The following MYO7A variants were observed in gnomAD, a reference collection of about 807,000 sequenced individuals.
MYO7A encodes the protein myosin VIIA.
A neutral mutation model predicts 263.8 loss-of-function variants in MYO7A; 210 were observed. The observed-to-expected ratio is 0.80, with a 90% confidence interval of 0.71 to 0.89. The LOEUF is 0.89. Among genes scored for constraint, MYO7A ranks in the 40% least tolerant of loss-of-function variants. The probability of loss-of-function intolerance (pLI) is 0.00; values close to 1 mark genes in which losing one functional copy is unlikely to be tolerated. For synonymous variants in MYO7A, 1,239 were observed against 1,197.3 expected (o/e 1.03, Z -0.72); for missense variants, 2,820 against 2,968.3 (o/e 0.95, Z 1.16).
chr11:77,200,331 A>G (rs1336419444), intron 35 of MYO7A, among the ~76,000 whole-genome samples: 3 of 152,112 alleles, frequency 2.0e-5, no homozygotes, highest in Non-Finnish European at 2.9e-5. Flanking sequence ...GCTTCTGATG[A>G]AGGCCCCAGG....
chr11:77,151,480 G>C (rs183951677), intron 4 of MYO7A, among the ~76,000 whole-genome samples: 5 of 152,238 alleles, frequency 3.3e-5, no homozygotes, highest in African/African-American at 9.6e-5. Context: ...GAGCCGACAG[G>C]CCTGGGCACT....
intron 2 of MYO7A, among the ~76,000 whole-genome samples, chr11:77,141,479 T>C (rs1951207663): frequency 6.6e-6 from 1 of 152,136 alleles, no homozygotes; most frequent in African/African-American, 2.4e-5. Flanking sequence ...TATTAAGTTA[T>C]ATTCTTATTA....
At chr11:77,151,581 G>A (rs544609158) in intron 4 of MYO7A, among the ~76,000 whole-genome samples, 251 of 152,300 alleles carry the variant, frequency 1.6e-3, no homozygotes, top group African/African-American at 5.6e-3. Flanking sequence ...GGGACCACAC[G>A]TGCTGTATCC....
At chr11:77,204,047 G>A (rs765221583) in intron 38 of MYO7A, 29 bp from the exon 39 acceptor site, 11 of 1,573,712 alleles carry the variant, frequency 7.0e-6, no homozygotes, top group African/African-American at 2.7e-5. Flanking sequence ...CCCTCTATTC[G>A]GCACAAGCCC....
intron 4 of MYO7A, among the ~76,000 whole-genome samples, chr11:77,155,239 CAGA>C (rs1360175382): frequency 6.6e-6 from 1 of 152,296 alleles, no homozygotes; most frequent in East Asian, 1.9e-4. Context: ...TTTGCACTAA[CAGA>C]GGAGCCCAAG....
At chr11:77,210,756 T>A (rs1166285743) in intron 44 of MYO7A, 1 of 162,008 alleles carries the variant, frequency 6.2e-6, no homozygotes, top group Non-Finnish European at 1.3e-5. Flanking sequence ...GAGAACCCAA[T>A]GCAAGGAGGC....
intron 3 of MYO7A, among the ~76,000 whole-genome samples, chr11:77,145,160 TTC>T (rs1951477601): frequency 6.6e-6 from 1 of 152,186 alleles, no homozygotes; most frequent in Non-Finnish European, 1.5e-5. Flanking sequence ...GGGTCAGTGA[TTC>T]TCTGTTAGGG....
intron 40 of MYO7A, 143 bp from the exon 41 acceptor site, chr11:77,205,954 C>A: frequency 1.4e-6 from 1 of 717,712 alleles, no homozygotes; most frequent in South Asian, 1.7e-5. Context: ...GAGCTCAAGG[C>A]TCTGGGAGAC....
chr11:77,181,849 A>G, intron 23 of MYO7A, 102 bp from the exon 24 acceptor site: 1 of 964,096 alleles, frequency 1.0e-6, no homozygotes, highest in Admixed American at 2.1e-5. Flanking sequence ...CAGTAGCGTG[A>G]TCACAGCTCA....
chr11:77,159,609 C>A, intron 10 of MYO7A, 86 bp downstream of exon 10: 2 of 1,332,706 alleles, frequency 1.5e-6, no homozygotes, highest in South Asian at 1.2e-5. Context: ...GATGTAGGAA[C>A]CACATTGCTG....
intron 26 of MYO7A, among the ~76,000 whole-genome samples, chr11:77,183,630 G>T (rs1955435746): frequency 6.6e-6 from 1 of 152,190 alleles, no homozygotes; most frequent in African/African-American, 2.4e-5. Context: ...CCAGGCTGGT[G>T]TGTGTGTGGC....
At position 77,204,055 on chromosome 11, in the gene MYO7A, CCCTT is replaced by C. The variant is rs1957262352; in HGVS notation, c.5327-16_5327-13del. The C allele has an allele frequency of 1.6e-5, 25 of 1,585,632 alleles. No individual in the cohort carries two copies. The highest frequency in any genetic ancestry group is 2.1e-5 in the Non-Finnish European group (25 of 1,164,534). ...CAGTGCTCCCTCTATTCGGCACAAG[CCCTT>C]CCTTGACAGTCCCCAGCTGTGCTCA... On this transcript the variant is annotated splice_polypyrimidine_tract_variant and intron_variant, in intron 38 of 48. Coordinates refer to ENST00000409709, the MANE Select transcript of MYO7A (RefSeq NM_000260.4).
At chr11:77,183,684 ACAGCCTTG>A (rs1404977985) in intron 26 of MYO7A, among the ~76,000 whole-genome samples, 1 of 152,106 alleles carries the variant, frequency 6.6e-6, no homozygotes, top group Admixed American at 6.5e-5. Flanking sequence ...CAAGGCATTC[ACAGCCTTG>A]GGGGCCAGGC....
intron 2 of MYO7A, among the ~76,000 whole-genome samples, chr11:77,131,007 A>G (rs1036516714): frequency 6.6e-6 from 1 of 152,224 alleles, no homozygotes; most frequent in Admixed American, 6.5e-5. Context: ...AAGGGCCCTG[A>G]GCCCAACTTA....
chr11:77,190,466 G>A (rs751362788), intron 29 of MYO7A, among the ~76,000 whole-genome samples: 3 of 152,152 alleles, frequency 2.0e-5, no homozygotes, highest in Non-Finnish European at 4.4e-5. Flanking sequence ...GGCAGTGCCT[G>A]ACCTCTCAGC....
intron 7 of MYO7A, 34 bp from the exon 8 acceptor site, chr11:77,157,245 C>T (rs2135243293): frequency 6.5e-7 from 1 of 1,543,758 alleles, no homozygotes; most frequent in African/African-American, 1.4e-5. Context: ...TGGCCCTCCT[C>T]CCCTGGCCCC....
chr11:77,133,743 C>T (rs1361987660), intron 2 of MYO7A, among the ~76,000 whole-genome samples: 12 of 152,132 alleles, frequency 7.9e-5, no homozygotes, highest in African/African-American at 2.7e-4. Flanking sequence ...GAAGTAATTA[C>T]TGTTAAGGAA....
At chr11:77,201,749 C>A in intron 36 of MYO7A, 111 bp downstream of exon 36, 1 of 1,206,602 alleles carries the variant, frequency 8.3e-7, no homozygotes, top group Non-Finnish European at 1.1e-6. Flanking sequence ...TGAAGATGAT[C>A]TTGGGATCTT....
chr11:77,155,993 C>A lies in MYO7A; in HGVS notation c.372C>A (p.Asn124Lys), dbSNP rs781892272. Reference sequence around the variant, plus strand: ...CAGAGCACATCCGCCAGTATACCAACAAGAAGATTGGGGAGATGCCCCCCC... The same window carrying A: ...CAGAGCACATCCGCCAGTATACCAAAAAGAAGATTGGGGAGATGCCCCCCC... The part of the protein sequence containing the change: ...YSPEHIRQYT[N>K]KKIGEMPPHI... Residue 124 changes from asparagine (N) to lysine (K), a missense_variant, in exon 5 of 49, where the codon AAC (asparagine) becomes AAA (lysine). Asn to Lys is a moderately conservative substitution (Grantham distance 94, BLOSUM62 0). Transcript: ENST00000409709. 1.9e-6 allele frequency: 3 copies of A among 1,613,822 alleles called. No individual in the cohort carries two copies. Among genetic ancestry groups the A allele is most frequent in the Non-Finnish European group, 1.7e-6 (2 of 1,179,832 alleles).
Sources: allele counts gnomAD v4.1 joint callset (sites outside exome capture counted in the v4.1 genomes callset), GRCh38; gene constraint gnomAD v4.1.1; transcripts MANE v1.5; gene names NCBI Gene and HGNC (gene_info 2026-07-23, HGNC 2026-07-21).